NUP210L: variants seen among roughly 807,000 people sequenced by gnomAD.
The protein encoded by NUP210L is nucleoporin 210 like, also known as nuclear pore membrane glycoprotein 210-like.
In NUP210L, 74 loss-of-function variants were observed where a neutral mutation model predicts 208.5. The observed-to-expected ratio is 0.35, with a 90% confidence interval of 0.29 to 0.43. The LOEUF (loss-of-function observed/expected upper bound fraction) is 0.43, where lower values mean the gene tolerates loss of function less well. NUP210L is among the 20% of genes least tolerant of loss of function. NUP210L has a pLI of 1.00. For missense variants in NUP210L, 1,843 were observed against 2,289.4 expected, an observed-to-expected ratio of 0.81 and a Z score of 3.98; for synonymous variants, 780 against 816.9, an observed-to-expected ratio of 0.95 and a Z score of 0.77.
intron 15 of NUP210L, 67 bp downstream of exon 15, chr1:154,094,868 T>C (rs1229132976): frequency 1.7e-6 from 2 of 1,146,710 alleles, no homozygotes; most frequent in Admixed American, 4.2e-5. Flanking sequence ...TGAAAAGGAA[T>C]GGCTGGAAGT....
intron 2 of NUP210L, among the ~76,000 whole-genome samples, chr1:154,151,233 C>A (rs948419967): frequency 4.4e-5 from 6 of 136,460 alleles, no homozygotes; most frequent in Admixed American, 1.4e-4. Context: ...AGCTACCCTG[C>A]ATGACATGGT....
Position 154,060,531 on chromosome 1 carries a change from A to G in NUP210L, c.2850+9T>C, listed in dbSNP as rs1371715128. On this transcript the variant is annotated intron_variant, in intron 20 of 39. Coordinates refer to ENST00000368559, the Ensembl canonical transcript of NUP210L. ...AGACCATCAATCTGGGACTGTCTCT[A>G]GAGCTCACCTCAACAGAGCTTTCTG... 1.3e-6 allele frequency: 2 copies of G among 1,570,448 alleles called. No individual in the cohort carries two copies. Among genetic ancestry groups the G allele is most frequent in the African/African-American group, 2.7e-5 (2 of 74,200 alleles).
At chr1:154,091,479 T>G (rs1655906086) in intron 15 of NUP210L, among the ~76,000 whole-genome samples, 2 of 150,140 alleles carry the variant, frequency 1.3e-5, no homozygotes. Context: ...AAGCAACATG[T>G]CTTTTTCTTT....
chr1:154,032,447 G>A lies in NUP210L; in HGVS notation c.3697-2393C>T, dbSNP rs185821388. Among the ~76,000 whole-genome samples, 300 of 152,024 alleles carry A rather than the reference G, an allele frequency of 2.0e-3. 3 individuals carry two copies. Among genetic ancestry groups the A allele is most frequent in the African/African-American group, 7.0e-3 (290 of 41,488 alleles). Reference sequence around the variant, plus strand: ...TAGTTTTGATTTGCATTTCTCTGATGATCAATGATGTTGAGCACCTTTTCA... The same window carrying A: ...TAGTTTTGATTTGCATTTCTCTGATAATCAATGATGTTGAGCACCTTTTCA... On this transcript the variant is annotated intron_variant, in intron 27 of 39. Coordinates refer to ENST00000368559, the Ensembl canonical transcript of NUP210L.
At chr1:154,026,611 G>A (rs1442559482) in intron 29 of NUP210L, among the ~76,000 whole-genome samples, 4 of 152,076 alleles carry the variant, frequency 2.6e-5, no homozygotes, top group Non-Finnish European at 5.9e-5. Context: ...GCCTCCCAGA[G>A]GCCTGGGATT....
intron 12 of NUP210L, among the ~76,000 whole-genome samples, chr1:154,115,802 T>G (rs530774122): frequency 6.6e-6 from 1 of 151,940 alleles, no homozygotes; most frequent in Non-Finnish European, 1.5e-5. Context: ...TTAAGTCCTA[T>G]AGAGAACAGC....
intron 31 of NUP210L, among the ~76,000 whole-genome samples, chr1:154,022,675 C>CTTTTT (rs375659718): frequency 1.7e-5 from 2 of 115,000 alleles, no homozygotes; most frequent in Non-Finnish European, 3.7e-5. Context: ...TAAGTCTGGT[C>CTTTTT]TTTTTTTTTT....
intron 16 of NUP210L, among the ~76,000 whole-genome samples, chr1:154,075,551 A>C (rs1654990255): frequency 6.6e-6 from 1 of 152,144 alleles, no homozygotes; most frequent in Admixed American, 6.6e-5. Flanking sequence ...AGTTCAGAAA[A>C]GACACTAAAT....
intron 2 of NUP210L, among the ~76,000 whole-genome samples, chr1:154,144,793 C>T (rs1024758810): frequency 1.3e-5 from 2 of 152,166 alleles, no homozygotes; most frequent in Non-Finnish European, 2.9e-5. Context: ...CATAGATCTG[C>T]TTTTAAGGAA....
chr1:154,139,224 C>G (rs954558483), intron 5 of NUP210L, among the ~76,000 whole-genome samples: 3 of 151,940 alleles, frequency 2.0e-5, no homozygotes, highest in African/African-American at 7.3e-5. Flanking sequence ...AAATTAGAAA[C>G]TGTAGTTTAT....
At chr1:154,074,017 G>GT (rs58739231) in intron 16 of NUP210L, among the ~76,000 whole-genome samples, 37,807 of 144,394 alleles carry the variant, frequency 0.26, 5,170 homozygotes, top group Admixed American at 0.37. Flanking sequence ...GTCCCCCTAA[G>GT]TTTTTTTTTT....
chr1:154,149,306 G>A (rs907671575), intron 2 of NUP210L, among the ~76,000 whole-genome samples: 4 of 151,930 alleles, frequency 2.6e-5, no homozygotes, highest in African/African-American at 7.3e-5. Flanking sequence ...GGCTGGTCTC[G>A]ACCTCCTGAC....
At chr1:154,111,670 G>A (rs936485401) in intron 12 of NUP210L, among the ~76,000 whole-genome samples, 2 of 151,396 alleles carry the variant, frequency 1.3e-5, no homozygotes, top group African/African-American at 2.5e-5. Flanking sequence ...ACAAAGCCCA[G>A]GACTTGATGG....
chr1:154,043,100 A>C lies in NUP210L; in HGVS notation c.3696+2969T>G, dbSNP rs569937666. 2.8e-3 allele frequency among the ~76,000 whole-genome samples: 381 copies of C among 134,252 alleles called. 2 individuals carry two copies. Among genetic ancestry groups the C allele is most frequent in the African/African-American group, 8.8e-3 (311 of 35,432 alleles). 88.1% of individuals were successfully genotyped at this position (134,252 alleles called of 152,430 possible). ...AGTGGTGCAATCTCAGTTCACTGCA[A>C]CTTCTGCCTCCCGGGTTCAAGGAAT... is the stretch of plus-strand genomic sequence containing the variant. On this transcript the variant is annotated intron_variant, in intron 27 of 39. Transcript: ENST00000368559.
At chr1:154,078,204 C>T (rs1655139887) in intron 16 of NUP210L, among the ~76,000 whole-genome samples, 1 of 151,072 alleles carries the variant, frequency 6.6e-6, no homozygotes, top group Admixed American at 6.6e-5. Context: ...GTAGTCCCAG[C>T]TACTAGGGAG....
chr1:154,000,453 C>T (rs534629199), intron 37 of NUP210L, among the ~76,000 whole-genome samples: 4 of 152,206 alleles, frequency 2.6e-5, no homozygotes, highest in East Asian at 3.9e-4. Flanking sequence ...TTGGCATACC[C>T]GAATTGCAGG....
chr1:154,008,442 C>CT (rs1470487616), intron 35 of NUP210L, among the ~76,000 whole-genome samples: 1 of 152,124 alleles, frequency 6.6e-6, no homozygotes, highest in Admixed American at 6.6e-5. Flanking sequence ...GGCACGGTGT[C>CT]TAACGCCTGT....
At chr1:154,111,876 G>C (rs1028106285) in intron 12 of NUP210L, among the ~76,000 whole-genome samples, 2 of 151,512 alleles carry the variant, frequency 1.3e-5, no homozygotes, top group Non-Finnish European at 2.9e-5. Context: ...GAACATGATG[G>C]AAAAACTCTT....
chr1:154,114,653 G>C (rs1412932651), intron 12 of NUP210L, among the ~76,000 whole-genome samples: 1 of 151,946 alleles, frequency 6.6e-6, no homozygotes, highest in African/African-American at 2.4e-5. Flanking sequence ...GCCTAAGCTA[G>C]AGTGCAGAGG....
Sources: gnomAD v4.1 joint callset for allele counts (sites outside exome capture counted in the v4.1 genomes callset) on GRCh38, gnomAD v4.1.1 for gene constraint, MANE v1.5 for transcripts, NCBI Gene and HGNC (gene_info 2026-07-23, HGNC 2026-07-21) for gene names.